The following SFXN5 variants were observed in gnomAD, a reference collection of about 807,000 sequenced individuals.
SFXN5 encodes sideroflexin-5.
A neutral mutation model predicts 50.2 loss-of-function variants in SFXN5; 43 were observed. The ratio of observed to expected loss-of-function variants is 0.86; its 90% CI spans 0.67 to 1.11. The LOEUF (loss-of-function observed/expected upper bound fraction) is 1.11, where lower values mean the gene tolerates loss of function less well. Among genes scored for constraint, SFXN5 ranks in the 50% least tolerant of loss-of-function variants. The pLI is 0.00. For missense variants in SFXN5, 463 were observed against 454.1 expected, an observed-to-expected ratio of 1.02 and a Z score of -0.18; for synonymous variants, 203 against 185.8, an observed-to-expected ratio of 1.09 and a Z score of -0.75.
intron 13 of SFXN5, among the ~76,000 whole-genome samples, chr2:72,948,654 C>T (rs779127799): frequency 3.9e-5 from 6 of 152,202 alleles, no homozygotes; most frequent in Non-Finnish European, 8.8e-5. Context: ...CGGGGGAGAC[C>T]GAGGCCTCCT....
At chr2:73,044,185 G>A (rs892642267) in intron 2 of SFXN5, among the ~76,000 whole-genome samples, 6 of 152,220 alleles carry the variant, frequency 3.9e-5, no homozygotes, top group African/African-American at 1.4e-4. Context: ...ATCAAAGGGA[G>A]CCCTCCTACC....
chr2:73,046,120 A>G lies in SFXN5; in HGVS notation c.172-5189T>C, dbSNP rs1248652061. On this transcript the variant is annotated intron_variant, in intron 2 of 13. Transcript: ENST00000272433. ...GTAAACTTAGCAAAAACTAAAAGCG[A>G]TATGTTGGCCGGGTGCAGCAGCTCA... 3.3e-5 allele frequency among the ~76,000 whole-genome samples: 5 copies of G among 152,162 alleles called. No homozygotes were observed. In the South Asian group the frequency reaches 6.2e-4, roughly 19 times the overall value.
chr2:73,057,190 G>A (rs1682258768), intron 2 of SFXN5, among the ~76,000 whole-genome samples: 1 of 152,072 alleles, frequency 6.6e-6, no homozygotes. Context: ...TCAGGCTGGA[G>A]TGCAGTGGTA....
intron 3 of SFXN5, among the ~76,000 whole-genome samples, chr2:73,027,823 CT>C (rs1446460529): frequency 2.0e-5 from 3 of 152,032 alleles, no homozygotes; most frequent in Non-Finnish European, 4.4e-5. Context: ...CCACACTTGG[CT>C]AACTTTTTGT....
intron 2 of SFXN5, chr2:73,041,639 T>TG: frequency 2.3e-6 from 1 of 436,512 alleles, no homozygotes; most frequent in Non-Finnish European, 4.6e-6. Context: ...GCAGTGAGCC[T>TG]GGGGGACAGT....
rs1672668191 is a variant in SFXN5, at chr2:72,992,049, T to A, written c.535-3701A>T. Among the ~76,000 whole-genome samples, 1 of 152,178 alleles carries A rather than the reference T, an allele frequency of 6.6e-6. No individual in the cohort carries two copies. The highest frequency in any genetic ancestry group is 2.4e-5 in the African/African-American group (1 of 41,436). ...TTCTTATATGGCCAGCAGACAGGGC[T>A]TCTTGGAAAACCAGGGCTCAGGCCC... On this transcript the variant is annotated intron_variant, in intron 9 of 13. Coordinates refer to ENST00000272433, the MANE Select transcript of SFXN5 (RefSeq NM_144579.3). The surrounding 1 kb of genome is among the most constrained non-coding windows in gnomAD (Gnocchi z 4.5).
chr2:72,958,771 G>T (rs1299362347), intron 13 of SFXN5, among the ~76,000 whole-genome samples: 1 of 152,114 alleles, frequency 6.6e-6, no homozygotes, highest in Admixed American at 6.5e-5. Context: ...CAGGCTGCAG[G>T]TTTCCCAGGG....
intron 9 of SFXN5, among the ~76,000 whole-genome samples, chr2:72,988,753 C>A (rs1418968723): frequency 2.6e-5 from 4 of 152,176 alleles, no homozygotes. Flanking sequence ...CCCACCCCAG[C>A]CCTAAGCACC....
intron 5 of SFXN5, 147 bp from the exon 6 acceptor site, chr2:73,020,411 T>C (rs1239820094): frequency 1.4e-5 from 10 of 703,610 alleles, no homozygotes; most frequent in East Asian, 2.8e-5. Flanking sequence ...TCCTATCTCA[T>C]AGACCCTTTC....
intron 3 of SFXN5, among the ~76,000 whole-genome samples, chr2:73,028,575 G>C (rs1407000986): frequency 6.6e-6 from 1 of 152,178 alleles, no homozygotes; most frequent in Non-Finnish European, 1.5e-5. Context: ...GACGAGAGAA[G>C]AATGAGGGGA....
intron 1 of SFXN5, among the ~76,000 whole-genome samples, chr2:73,068,950 A>G (rs1189032673): frequency 6.7e-6 from 1 of 148,818 alleles, no homozygotes; most frequent in Non-Finnish European, 1.5e-5. Flanking sequence ...TTCCAAGCAG[A>G]TGGCCCAGTG....
intron 2 of SFXN5, among the ~76,000 whole-genome samples, chr2:73,046,701 G>A (rs987790553): frequency 6.6e-6 from 1 of 152,190 alleles, no homozygotes; most frequent in East Asian, 1.9e-4. Context: ...TAAAAAAAGT[G>A]TATGTTCAGT....
chr2:73,048,197 T>G (rs1680767543), intron 2 of SFXN5, among the ~76,000 whole-genome samples: 1 of 152,240 alleles, frequency 6.6e-6, no homozygotes, highest in Non-Finnish European at 1.5e-5. Context: ...GAGATATAGA[T>G]ACGTACATAT....
intron 6 of SFXN5, among the ~76,000 whole-genome samples, chr2:73,011,003 G>A (rs1379343465): frequency 6.6e-6 from 1 of 152,130 alleles, no homozygotes; most frequent in Non-Finnish European, 1.5e-5. Context: ...AGGGAAAAAG[G>A]ATATTATAAA....
intron 4 of SFXN5, 64 bp from the exon 5 acceptor site, chr2:73,022,640 G>GGGGA (rs1670371465): frequency 1.4e-6 from 1 of 713,882 alleles, no homozygotes; most frequent in Admixed American, 2.1e-5. Flanking sequence ...AAGGGGGAAG[G>GGGGA]GGGAGGGAGG....
intron 2 of SFXN5, among the ~76,000 whole-genome samples, chr2:73,056,807 G>T (rs1380937664): frequency 3.3e-5 from 5 of 152,192 alleles, no homozygotes; most frequent in Non-Finnish European, 4.4e-5. Flanking sequence ...TGGAGCAACT[G>T]GAACTCTCAT....
intron 9 of SFXN5, among the ~76,000 whole-genome samples, chr2:72,990,728 G>A (rs751450240): frequency 1.1e-4 from 16 of 152,190 alleles, no homozygotes; most frequent in Non-Finnish European, 2.1e-4. Flanking sequence ...GCATTTGAAC[G>A]CAGGGCCTGC....
At chr2:73,050,388 G>GCGCGCA in intron 2 of SFXN5, among the ~76,000 whole-genome samples, 28 of 143,912 alleles carry the variant, frequency 1.9e-4, no homozygotes, top group Middle Eastern at 3.5e-3. Context: ...CAGCCACAGC[G>GCGCGCA]CACGCACACA....
chr2:73,068,604 C>G (rs1234215041), intron 1 of SFXN5, among the ~76,000 whole-genome samples: 1 of 152,122 alleles, frequency 6.6e-6, no homozygotes, highest in Non-Finnish European at 1.5e-5. Flanking sequence ...CAAAGCCCTA[C>G]TGAATTGTCT....
Sources: allele counts gnomAD v4.1 joint callset (sites outside exome capture counted in the v4.1 genomes callset), GRCh38; gene constraint gnomAD v4.1.1; non-coding constraint Gnocchi (gnomAD v3.1); transcripts MANE v1.5; gene names NCBI Gene and HGNC (gene_info 2026-07-23, HGNC 2026-07-21).